DYSF: variants seen among roughly 807,000 people sequenced by gnomAD.
DYSF encodes dystrophy-associated fer-1-like 1.
Under a neutral mutation model 274.9 loss-of-function variants are expected in DYSF, and 212 were observed. The observed-to-expected ratio is 0.77, with a 90% CI of 0.69 to 0.86. The LOEUF is 0.86. DYSF is among the 40% of genes least tolerant of loss of function. The pLI is 0.00. For missense variants in DYSF, 2,666 were observed against 2,783.2 expected (o/e 0.96, Z 0.95); for synonymous variants, 1,091 against 1,078.7 (o/e 1.01, Z -0.22).
chr2:71,642,978 C>T (rs1053484781), intron 41 of DYSF, among the ~76,000 whole-genome samples: 1 of 152,156 alleles, frequency 6.6e-6, no homozygotes, highest in African/African-American at 2.4e-5. Flanking sequence ...AGAATGAGCT[C>T]CTGAAGCCGT....
At chr2:71,678,869 G>A (rs968867016) in intron 52 of DYSF, among the ~76,000 whole-genome samples, 188 bp from the exon 53 acceptor site, 2 of 152,182 alleles carry the variant, frequency 1.3e-5, no homozygotes, top group Admixed American at 1.3e-4. Context: ...ATGGGAAGCT[G>A]TATAGATGGA....
chr2:71,601,468 C>G (rs758633323), intron 34 of DYSF, 31 bp from the exon 35 acceptor site: 1 of 1,614,166 alleles, frequency 6.2e-7, no homozygotes, highest in Non-Finnish European at 8.5e-7. Flanking sequence ...GTGACAAGCA[C>G]ATGACCAGAG....
In DYSF at chr2:71,503,286, C is replaced by T. The variant is rs750834799; in HGVS notation, c.312C>T (p.Ala104=). The T allele has an allele frequency of 6.2e-7, 1 of 1,614,134 alleles. No homozygotes were observed. The highest frequency in any genetic ancestry group is 1.1e-5 in the South Asian group (1 of 91,082). The change falls in exon 4 of 56, where the codon GCC becomes GCT. Residue 104 remains alanine (A), a synonymous_variant. Transcript: ENST00000410020. ...CTAGTCTGTCCGCCAGCTTCAATGC[C>T]CCCCTGCTGGACACCAAGAAGCAGC... ...ATPSLSASFN[A]PLLDTKKQPT... is the part of the protein sequence containing the mutation.
At chr2:71,664,670 C>T (rs1346770028) in intron 46 of DYSF, among the ~76,000 whole-genome samples, 1 of 152,198 alleles carries the variant, frequency 6.6e-6, no homozygotes, top group Admixed American at 6.5e-5. Flanking sequence ...AACCAAGAAC[C>T]TGGCTCATCA....
chr2:71,505,918 C>T (rs905585685), intron 4 of DYSF, among the ~76,000 whole-genome samples: 4 of 152,240 alleles, frequency 2.6e-5, no homozygotes, highest in African/African-American at 7.2e-5. Context: ...GTGTTGGGAG[C>T]GGGGACCTGA....
intron 36 of DYSF, among the ~76,000 whole-genome samples, chr2:71,606,465 C>T (rs957869269): frequency 6.6e-6 from 1 of 152,114 alleles, no homozygotes; most frequent in African/African-American, 2.4e-5. Context: ...CCCATCTGCC[C>T]AGCAGTGCTG....
chr2:71,624,400 G>A lies in DYSF; in HGVS notation c.4527+3791G>A, dbSNP rs373361417. Reference sequence around the variant, plus strand: ...AGGATTTTTACGTCTCTATTAATAAGTATGACTTTCGAGTTGTCTTTGTTA... The same window carrying A: ...AGGATTTTTACGTCTCTATTAATAAATATGACTTTCGAGTTGTCTTTGTTA... On this transcript the variant is annotated intron_variant, in intron 41 of 55. Transcript: ENST00000410020. Among the ~76,000 whole-genome samples the A allele has an allele frequency of 2.2e-4, 33 of 152,300 alleles. 1 individual carries two copies. The East Asian group carries it at 5.2e-3, about 24-fold the overall frequency.
intron 36 of DYSF, among the ~76,000 whole-genome samples, chr2:71,603,338 T>G (rs1391082977): frequency 6.6e-6 from 1 of 152,182 alleles, no homozygotes; most frequent in East Asian, 1.9e-4. Context: ...AAAGCAAGGC[T>G]GCATCCTTTG....
chr2:71,483,231 C>G (rs1347445767), intron 3 of DYSF, among the ~76,000 whole-genome samples: 1 of 152,196 alleles, frequency 6.6e-6, no homozygotes, highest in Non-Finnish European at 1.5e-5. Context: ...GGGCCCGTCT[C>G]TTCCAGCTGT....
At chr2:71,580,959 A>G (rs2092876770) in intron 30 of DYSF, among the ~76,000 whole-genome samples, 1 of 152,208 alleles carries the variant, frequency 6.6e-6, no homozygotes, top group African/African-American at 2.4e-5. Context: ...AGTATCACCC[A>G]TGTGGGTCAT....
chr2:71,666,527 C>T (rs2095013731), intron 47 of DYSF, among the ~76,000 whole-genome samples: 1 of 152,222 alleles, frequency 6.6e-6, no homozygotes, highest in Non-Finnish European at 1.5e-5. Context: ...GTGTGTCCAC[C>T]ATCAGCTCCC....
rs779669549 is a variant in DYSF at position 71,528,341 on chromosome 2, C to G, written c.1320C>G (p.Phe440Leu). ...ACAACGTGAAACAGATCTTTGGCTT[C>G]GAGAGTAACAAGAAGAACTTGGTGG... Reference protein sequence around the residue: ...VMDNVKQIFGFESNKKNLVDP... With the variant: ...VMDNVKQIFGLESNKKNLVDP... The change falls in exon 14 of 56, where the codon TTC (phenylalanine) becomes TTG (leucine). Residue 440 changes from phenylalanine to leucine, a missense_variant. Physicochemically the swap from Phe to Leu is conservative, Grantham distance 22. This residue lies in a region of DYSF where 794 missense variants were observed against 777.1 expected (regional missense o/e 1.02). Coordinates refer to ENST00000410020, the MANE Select transcript of DYSF (RefSeq NM_001130987.2). 1 of 1,614,122 alleles carries G rather than the reference C, an allele frequency of 6.2e-7. No homozygotes were observed. Among genetic ancestry groups the G allele is most frequent in the African/African-American group, 1.3e-5 (1 of 75,046 alleles).
intron 3 of DYSF, among the ~76,000 whole-genome samples, chr2:71,491,259 A>G (rs889502736): frequency 6.6e-6 from 1 of 152,186 alleles, no homozygotes; most frequent in Non-Finnish European, 1.5e-5. Flanking sequence ...TTAATTCATA[A>G]TAATTACATA....
At chr2:71,658,473 CA>C in intron 43 of DYSF, among the ~76,000 whole-genome samples, 2 of 152,150 alleles carry the variant, frequency 1.3e-5, no homozygotes, top group East Asian at 3.8e-4. Flanking sequence ...CTCCTGGTAC[CA>C]ATTTACTGTA....
chr2:71,469,865 ACTT>A (rs1476687198), intron 1 of DYSF, among the ~76,000 whole-genome samples: 11 of 152,120 alleles, frequency 7.2e-5, no homozygotes, highest in Non-Finnish European at 4.4e-5. Context: ...AATTGTCTGT[ACTT>A]CTTTTCTGCC....
chr2:71,682,710 A>T, intron 55 of DYSF, 33 bp downstream of exon 55: 2 of 1,603,872 alleles, frequency 1.2e-6, no homozygotes, highest in Non-Finnish European at 1.7e-6. Flanking sequence ...TGGTGGGGGA[A>T]CTCTGGGTCT....
At chr2:71,665,381 A>G (rs999136956) in intron 47 of DYSF, 77 bp downstream of exon 47, 35 of 1,595,468 alleles carry the variant, frequency 2.2e-5, no homozygotes, top group Admixed American at 3.3e-5. Flanking sequence ...CTCTGCTACC[A>G]TAAAAGACCC....
intron 14 of DYSF, among the ~76,000 whole-genome samples, chr2:71,531,173 C>A (rs1413996897): frequency 3.3e-5 from 5 of 151,854 alleles, no homozygotes; most frequent in Non-Finnish European, 7.4e-5. Context: ...CCCACTGCAC[C>A]ATATTCTGTA....
At chr2:71,546,947 C>A (rs984983486) in intron 17 of DYSF, among the ~76,000 whole-genome samples, 1 of 152,182 alleles carries the variant, frequency 6.6e-6, no homozygotes, top group African/African-American at 2.4e-5. Context: ...GCTCACTGGG[C>A]TGGGAGGTCC....
Sources: allele counts gnomAD v4.1 joint callset (sites outside exome capture counted in the v4.1 genomes callset), GRCh38; gene constraint gnomAD v4.1.1; regional missense constraint gnomAD v4.1.1; transcripts MANE v1.5; gene names NCBI Gene and HGNC (gene_info 2026-07-23, HGNC 2026-07-21).